The following PTPRN2 variants were observed in gnomAD, a reference collection of about 807,000 sequenced individuals.
The protein encoded by PTPRN2 is receptor-type tyrosine-protein phosphatase N2.
PTPRN2 carries 74 observed loss-of-function variants against 118.8 expected under a neutral mutation model. The observed-to-expected ratio is 0.62, with a 90% CI of 0.52 to 0.76. The LOEUF is 0.76. Ranked by LOEUF, PTPRN2 falls within the 30% of genes least tolerant of loss-of-function variation. The pLI, the probability that PTPRN2 is intolerant of heterozygous loss-of-function variation, is 0.00. For synonymous variants in PTPRN2, 641 were observed against 608.0 expected, an observed-to-expected ratio of 1.05 and a Z score of -0.80; for missense variants, 1,481 against 1,394.4, an observed-to-expected ratio of 1.06 and a Z score of -0.99.
chr7:158,464,494 TAATA>T (rs1437714748), intron 2 of PTPRN2, among the ~76,000 whole-genome samples: 3 of 147,302 alleles, frequency 2.0e-5, no homozygotes, highest in African/African-American at 7.7e-5. Context: ...CCATGCCATT[TAATA>T]AATAATCCTT....
chr7:157,545,009 CTG>C (rs1009903093), intron 22 of PTPRN2, among the ~76,000 whole-genome samples: 7 of 139,512 alleles, frequency 5.0e-5, no homozygotes, highest in South Asian at 2.3e-4. Context: ...GGGTCCATGA[CTG>C]TGTGTGGGTG....
At chr7:158,225,562 C>T (rs983349451) in intron 3 of PTPRN2, among the ~76,000 whole-genome samples, 1 of 152,216 alleles carries the variant, frequency 6.6e-6, no homozygotes, top group Non-Finnish European at 1.5e-5. Flanking sequence ...GCAGCCACAG[C>T]ACCCATCTTC....
In PTPRN2 at chr7:158,453,562, G is replaced by A. The variant is rs941442208; in HGVS notation, c.163+36173C>T. Among the ~76,000 whole-genome samples the A allele has an allele frequency of 1.5e-4, 23 of 152,142 alleles. 1 individual carries two copies. Among genetic ancestry groups the A allele is most frequent in the Admixed American group, 8.5e-4 (13 of 15,288 alleles). On this transcript the variant is annotated intron_variant, in intron 2 of 22. Coordinates refer to ENST00000389418, the MANE Select transcript of PTPRN2 (RefSeq NM_002847.5). ...ATGGTGTGGAACCATATGGAAAAGT[G>A]GCAGCTGCCGCAGGACCTCAACGTG...
intron 1 of PTPRN2, among the ~76,000 whole-genome samples, chr7:158,524,114 T>C (rs1190398972): frequency 3.5e-5 from 2 of 57,372 alleles, no homozygotes; most frequent in African/African-American, 7.2e-5. Flanking sequence ...TACCCTGGAG[T>C]GGAGTCTGCC....
At chr7:158,155,998 A>G (rs1255621635) in intron 6 of PTPRN2, among the ~76,000 whole-genome samples, 1 of 152,240 alleles carries the variant, frequency 6.6e-6, no homozygotes, top group Admixed American at 6.5e-5. Flanking sequence ...TGACATAATC[A>G]TATGCCAGCA....
At chr7:157,900,594 T>C (rs1026552353) in intron 11 of PTPRN2, among the ~76,000 whole-genome samples, 1 of 152,296 alleles carries the variant, frequency 6.6e-6, no homozygotes, top group Middle Eastern at 3.4e-3. Flanking sequence ...TGCCCAGATA[T>C]TGGGCTTTTC....
chr7:158,428,516 G>C (rs1023254213), intron 2 of PTPRN2, among the ~76,000 whole-genome samples: 1 of 152,234 alleles, frequency 6.6e-6, no homozygotes, highest in Non-Finnish European at 1.5e-5. Flanking sequence ...TGAGATCGCA[G>C]TATTGGGACA....
chr7:158,207,129 G>A (rs1563604383), intron 3 of PTPRN2, among the ~76,000 whole-genome samples: 2 of 147,778 alleles, frequency 1.4e-5, no homozygotes, highest in Non-Finnish European at 3.0e-5. Context: ...CCCTACAAAG[G>A]ACATGCACTC....
At chr7:158,333,522 A>G (rs1365065693) in intron 2 of PTPRN2, among the ~76,000 whole-genome samples, 1 of 148,676 alleles carries the variant, frequency 6.7e-6, no homozygotes, top group East Asian at 2.0e-4. Flanking sequence ...TCTCACCATA[A>G]GACCTGACAC....
chr7:158,244,703 G>A (rs1796091993), intron 3 of PTPRN2, among the ~76,000 whole-genome samples: 1 of 114,718 alleles, frequency 8.7e-6, no homozygotes, highest in Admixed American at 1.1e-4. Context: ...GAGTGTGTGT[G>A]GTTGTGAGTT....
At chr7:158,333,602 A>C (rs1205129164) in intron 2 of PTPRN2, among the ~76,000 whole-genome samples, 5 of 150,654 alleles carry the variant, frequency 3.3e-5, no homozygotes, top group African/African-American at 9.9e-5. Context: ...ACACACCCAC[A>C]CTCTCACTAT....
intron 2 of PTPRN2, among the ~76,000 whole-genome samples, chr7:158,441,216 A>ACAG (rs1817115448): frequency 4.8e-5 from 5 of 104,946 alleles, no homozygotes; most frequent in African/African-American, 1.1e-4. Flanking sequence ...GGTGGTGGTG[A>ACAG]TGGTGATAGT....
intron 14 of PTPRN2, among the ~76,000 whole-genome samples, chr7:157,642,829 A>AAAAAC (rs1804766351): frequency 2.1e-5 from 3 of 141,614 alleles, no homozygotes; most frequent in African/African-American, 2.8e-5. Context: ...AAAAAAAAAA[A>AAAAAC]AAAAAAAAAA....
chr7:158,360,004 T>C (rs1018598473), intron 2 of PTPRN2, among the ~76,000 whole-genome samples: 2 of 152,020 alleles, frequency 1.3e-5, no homozygotes, highest in Admixed American at 6.6e-5. Flanking sequence ...ACACGGACGC[T>C]GCATCCTTCC....
chr7:158,207,131 C>T (rs9771103), intron 3 of PTPRN2, among the ~76,000 whole-genome samples: 34,924 of 144,410 alleles, frequency 0.24, 4,802 homozygotes, highest in African/African-American at 0.37. Context: ...CTACAAAGGA[C>T]ATGCACTCAT....
rs955716162 is a variant in PTPRN2, at chr7:158,544,001, A to G, written c.112+43557T>C. 6.6e-6 allele frequency among the ~76,000 whole-genome samples: 1 copy of G among 152,192 alleles called. No homozygotes were observed. Among genetic ancestry groups the G allele is most frequent in the Non-Finnish European group, 1.5e-5 (1 of 68,040 alleles). On this transcript the variant is annotated intron_variant, in intron 1 of 22. Coordinates refer to ENST00000389418, the MANE Select transcript of PTPRN2 (RefSeq NM_002847.5). This position sits in a 1 kb window ranked among gnomAD's most constrained non-coding sequence, Gnocchi z 4.2. Reference sequence around the variant, plus strand: ...GGGTCCAAAAACCAGGGCAGCCCCAACTGGCCGGGAAAGCTCCTCTGGGCT... The same window carrying G: ...GGGTCCAAAAACCAGGGCAGCCCCAGCTGGCCGGGAAAGCTCCTCTGGGCT...
At chr7:157,744,960 C>T (rs1293920060) in intron 12 of PTPRN2, among the ~76,000 whole-genome samples, 1 of 152,252 alleles carries the variant, frequency 6.6e-6, no homozygotes, top group African/African-American at 2.4e-5. Flanking sequence ...CTCCCCACCA[C>T]CCCTCACTTC....
intron 2 of PTPRN2, among the ~76,000 whole-genome samples, chr7:158,489,379 G>A (rs1554516643): frequency 6.6e-6 from 1 of 152,222 alleles, no homozygotes; most frequent in Non-Finnish European, 1.5e-5. Context: ...CCCAGGAGGC[G>A]AAGGTTGCAG....
At chr7:157,895,702 G>A (rs1010456444) in intron 12 of PTPRN2, among the ~76,000 whole-genome samples, 11 of 151,194 alleles carry the variant, frequency 7.3e-5, no homozygotes, top group Admixed American at 1.3e-4. Context: ...AGGTGAAGGC[G>A]CGACAGAGGG....
Sources: allele counts gnomAD v4.1 joint callset (sites outside exome capture counted in the v4.1 genomes callset), GRCh38; gene constraint gnomAD v4.1.1; non-coding constraint Gnocchi (gnomAD v3.1); transcripts MANE v1.5; gene names NCBI Gene and HGNC (gene_info 2026-07-23, HGNC 2026-07-21).